CPO: variants seen among roughly 807,000 people sequenced by gnomAD.
CPO encodes metallocarboxypeptidase C.
A neutral mutation model predicts 41.2 loss-of-function variants in CPO; 43 were observed. The ratio of observed to expected loss-of-function variants is 1.04; its 90% confidence interval spans 0.82 to 1.35. The LOEUF (loss-of-function observed/expected upper bound fraction) is 1.35, where lower values mean the gene tolerates loss of function less well. Among genes scored for constraint, CPO ranks in the 40% most tolerant of loss-of-function variants. The pLI, the probability that CPO is intolerant of heterozygous loss-of-function variation, is 0.00. For synonymous variants in CPO, 178 were observed against 162.7 expected (o/e 1.09, Z -0.72); for missense variants, 408 against 451.7 (o/e 0.90, Z 0.88).
Position 206,962,421 on chromosome 2 carries a change from C to T in CPO, c.584C>T (p.Ala195Val), listed in dbSNP as rs746493917. 6.2e-7 allele frequency: 1 copy of T among 1,613,904 alleles called. No homozygotes were observed. Among genetic ancestry groups the T allele is most frequent in the Non-Finnish European group, 8.5e-7 (1 of 1,179,828 alleles). Reference sequence around the variant, plus strand: ...TTCTTCCATATTCTAGGTATTGGTGCCTCTAGAAACTGCCAAGATCAAACA... The same window carrying T: ...TTCTTCCATATTCTAGGTATTGGTGTCTCTAGAAACTGCCAAGATCAAACA... ...NFNASWCSIG[A>V]SRNCQDQTFC... The change falls in exon 7 of 9, where the codon GCC (alanine) becomes GTC (valine). Residue 195 changes from alanine (A) to valine (V), a missense_variant. Transcript: ENST00000272852.
Position 206,968,275 on chromosome 2 carries a change from C to A in CPO, c.790C>A (p.Gln264Lys), listed in dbSNP as rs762299141. 2 of 1,608,300 alleles carry A rather than the reference C, an allele frequency of 1.2e-6. No individual in the cohort carries two copies. The highest frequency in any genetic ancestry group is 2.2e-5 in the South Asian group (2 of 90,972). Residue 264 changes from glutamine to lysine, a missense_variant, in exon 8 of 9, where the codon CAG (glutamine) becomes AAG (lysine). Gln to Lys is a moderately conservative substitution (Grantham distance 53, BLOSUM62 1). Coordinates refer to ENST00000272852, the MANE Select transcript of CPO (RefSeq NM_173077.3). ...TTCCCACCTACAGATTCAAGTTGGA[C>A]AGAAGGCAGCAAATGCATTGAAAGC... is the stretch of plus-strand genomic sequence containing the variant. ...SNHPEMIQVG[Q>K]KAANALKAKY...
intron 1 of CPO, among the ~76,000 whole-genome samples, chr2:206,940,223 T>C (rs1693002505): frequency 6.6e-6 from 1 of 152,168 alleles, no homozygotes; most frequent in South Asian, 2.1e-4. Context: ...TCCTGCTTTT[T>C]CATTTTTACA....
chr2:206,942,206 A>G (rs1172739307), intron 1 of CPO, among the ~76,000 whole-genome samples: 3 of 152,126 alleles, frequency 2.0e-5, no homozygotes, highest in Admixed American at 1.3e-4. Flanking sequence ...ACAGAATACA[A>G]AGAAACGAAT....
Position 206,960,512 on chromosome 2 carries a change from T to C in CPO, c.484-340T>C, listed in dbSNP as rs541721300. Among the ~76,000 whole-genome samples the C allele has an allele frequency of 3.3e-5, 5 of 152,346 alleles. No homozygotes were observed. The South Asian group carries it at 8.3e-4, about 25-fold the overall frequency. On this transcript the variant is annotated intron_variant, in intron 5 of 8. Transcript: ENST00000272852. ...CTATTTCCCTTTCATCCTGTATCAC[T>C]TGAATGTAGAAAATGACTCCAAAGC...
At chr2:206,950,903 A>G (rs1471327977) in intron 2 of CPO, among the ~76,000 whole-genome samples, 1 of 150,880 alleles carries the variant, frequency 6.6e-6, no homozygotes, top group African/African-American at 2.4e-5. Context: ...GGGAGGGGGA[A>G]CATCACACAC....
At chr2:206,962,312 A>G in intron 6 of CPO, 100 bp from the exon 7 acceptor site, 8 of 1,026,228 alleles carry the variant, frequency 7.8e-6, no homozygotes, top group Non-Finnish European at 1.2e-5. Flanking sequence ...GCAAGCGCTG[A>G]TTCTACTCAC....
intron 1 of CPO, among the ~76,000 whole-genome samples, chr2:206,942,441 T>C (rs1693047208): frequency 6.6e-6 from 1 of 152,100 alleles, no homozygotes; most frequent in Admixed American, 6.6e-5. Flanking sequence ...AAAAATAAAG[T>C]TTGAAAATAC....
At chr2:206,944,622 CTT>C (rs1176024664) in intron 1 of CPO, among the ~76,000 whole-genome samples, 3 of 151,934 alleles carry the variant, frequency 2.0e-5, no homozygotes, top group Non-Finnish European at 2.9e-5. Context: ...CTGAGATTGT[CTT>C]TTCATTTGGA....
intron 3 of CPO, among the ~76,000 whole-genome samples, chr2:206,956,305 C>A (rs1693355441): frequency 1.3e-5 from 2 of 152,062 alleles, no homozygotes; most frequent in South Asian, 4.1e-4. Flanking sequence ...CAGGATGGGA[C>A]CAGGCATACT....
At position 206,959,638 on chromosome 2, in the gene CPO, A is replaced by G. The variant is rs1306279858; in HGVS notation, c.380A>G (p.Gln127Arg). 4.3e-6 allele frequency: 6 copies of G among 1,401,892 alleles called. No homozygotes were observed. The highest frequency in any genetic ancestry group is 6.1e-6 in the Non-Finnish European group (6 of 990,012). The allele number at this position is 1,401,892 out of a possible 1,614,324, so 86.8% of individuals were successfully genotyped here. Residue 127 changes from glutamine to arginine, a missense_variant, in exon 5 of 9, where the codon CAA becomes CGA. Physicochemically the swap from Gln to Arg is conservative, Grantham distance 43. Transcript: ENST00000272852. ...TCTTTCTTAAATTTCCAGATTCTACAAAACCATAAAGACAACTCAAGTATA... is the reference window on the plus strand; with the variant it reads ...TCTTTCTTAAATTTCCAGATTCTACGAAACCATAAAGACAACTCAAGTATA... Reference protein sequence around the residue: ...FCQWFVKEILQNHKDNSSIRK... With the variant: ...FCQWFVKEILRNHKDNSSIRK...
intron 8 of CPO, 138 bp downstream of exon 8, chr2:206,968,485 G>A (rs1255154052): frequency 1.6e-6 from 1 of 642,504 alleles, no homozygotes. Context: ...AAATGACCAA[G>A]GATAAAAGGG....
chr2:206,943,075 TC>T, intron 1 of CPO, among the ~76,000 whole-genome samples: 1 of 152,246 alleles, frequency 6.6e-6, no homozygotes, highest in Non-Finnish European at 1.5e-5. Context: ...TTTAATTTAT[TC>T]CCCTCAGTGT....
intron 4 of CPO, among the ~76,000 whole-genome samples, chr2:206,959,040 C>A (rs1693429785): frequency 6.6e-6 from 1 of 152,006 alleles, no homozygotes; most frequent in South Asian, 2.1e-4. Flanking sequence ...CATGCCCAGC[C>A]AGTTTTCTAG....
At chr2:206,950,675 C>A (rs931838822) in intron 2 of CPO, among the ~76,000 whole-genome samples, 2 of 152,098 alleles carry the variant, frequency 1.3e-5, no homozygotes, top group Non-Finnish European at 2.9e-5. Flanking sequence ...TGGAACCAAC[C>A]AAATGTCCAT....
At position 206,969,393 on chromosome 2, in the gene CPO, C is replaced by A. The variant is rs1159649958; in HGVS notation, c.1082C>A (p.Thr361Asn). ...SDSAGRVTSA[T>N]MLLGLLVSCM... is the part of the protein sequence containing the mutation. ...AGTGCTGGAAGGGTGACATCTGCCA[C>A]TATGCTGCTGGGCCTGCTGGTGTCC... Residue 361 changes from threonine to asparagine, a missense_variant, in exon 9 of 9, where the codon ACT (threonine) becomes AAT (asparagine). Transcript: ENST00000272852. 1 of 1,614,114 alleles carries A rather than the reference C, an allele frequency of 6.2e-7. No homozygotes were observed. The highest frequency in any genetic ancestry group is 1.3e-5 in the African/African-American group (1 of 75,056).
intron 8 of CPO, among the ~76,000 whole-genome samples, chr2:206,968,694 A>T (rs572003215): frequency 6.6e-6 from 1 of 152,240 alleles, no homozygotes; most frequent in Non-Finnish European, 1.5e-5. Context: ...AGGACCCATC[A>T]GGCTAAGAAA....
rs761169053 is a variant in CPO at position 206,955,565 on chromosome 2, G to T, written c.267+1G>T. On this transcript the variant is annotated splice_donor_variant, in intron 3 of 8. Transcript: ENST00000272852. LOFTEE classifies it high-confidence loss of function. ...GACCCACCCCATGTATTATCTGAAG[G>T]TGAGTGAGAAGGCTGAGAATTACCT... is the stretch of plus-strand genomic sequence containing the variant. 6 of 1,487,624 alleles carry T rather than the reference G, an allele frequency of 4.0e-6. No homozygotes were observed. 92.2% of individuals were successfully genotyped at this position (1,487,624 alleles called of 1,614,324 possible). A position where few individuals can be genotyped will look rare whatever the true frequency, so the allele number is the denominator to read the frequency against.
chr2:206,962,610 A>C lies in CPO; in HGVS notation c.773A>C (p.Glu258Ala). 2 of 1,613,722 alleles carry C rather than the reference A, an allele frequency of 1.2e-6. No homozygotes were observed. The highest frequency in any genetic ancestry group is 2.2e-5 in the South Asian group (2 of 91,074). Reference protein sequence around the residue: ...YTKNKSSNHPEMIQVGQKAAN... With the variant: ...YTKNKSSNHPAMIQVGQKAAN... ...AAAAATAAATCAAGTAACCACCCAG[A>C]AATGGTGAGTCCATAGCACCAAGGC... The change falls in exon 7 of 9, where the codon GAA becomes GCA. Residue 258 changes from glutamate (E) to alanine (A), a missense_variant. Glu to Ala is a moderately radical substitution (Grantham distance 107). Transcript: ENST00000272852.
chr2:206,954,452 G>A (rs1483552082), intron 2 of CPO, among the ~76,000 whole-genome samples: 2 of 152,106 alleles, frequency 1.3e-5, no homozygotes, highest in African/African-American at 4.8e-5. Flanking sequence ...ATCTCCATCT[G>A]AGACCAGCTT....
Sources: allele counts gnomAD v4.1 joint callset (sites outside exome capture counted in the v4.1 genomes callset), GRCh38; gene constraint gnomAD v4.1.1; transcripts MANE v1.5; gene names NCBI Gene and HGNC (gene_info 2026-07-23, HGNC 2026-07-21).